The following SYNPO2 variants were observed in gnomAD, a reference collection of about 807,000 sequenced individuals.
The protein encoded by SYNPO2 is synaptopodin 2, also known as synaptopodin-2.
Under a neutral mutation model 85.0 loss-of-function variants are expected in SYNPO2, and 56 were observed. That is an observed-to-expected ratio of 0.66 (90% CI 0.53 to 0.82). The LOEUF is 0.82. Among genes scored for constraint, SYNPO2 ranks in the 40% least tolerant of loss-of-function variants. SYNPO2 has a pLI of 0.00. For missense variants in SYNPO2, 1,575 were observed against 1,534.2 expected, an observed-to-expected ratio of 1.03 and a Z score of -0.44; for synonymous variants, 602 against 591.1, an observed-to-expected ratio of 1.02 and a Z score of -0.27.
At chr4:118,867,917 T>A in intron 1 of SYNPO2, among the ~76,000 whole-genome samples, 1 of 152,080 alleles carries the variant, frequency 6.6e-6, no homozygotes. Flanking sequence ...CAATGATCAT[T>A]ATCTGATTGT....
At chr4:119,043,933 G>A (rs1447474042) in intron 4 of SYNPO2, 8 of 46,746 alleles carry the variant, frequency 1.7e-4, no homozygotes, top group Admixed American at 1.3e-3. Flanking sequence ...GACAGACTCC[G>A]TCTCAAAAAA....
chr4:119,028,319 A>G (rs1738067204), intron 3 of SYNPO2, among the ~76,000 whole-genome samples: 1 of 151,794 alleles, frequency 6.6e-6, no homozygotes, highest in Non-Finnish European at 1.5e-5. Flanking sequence ...CACAATGGCA[A>G]TGAATTCGGT....
At chr4:119,038,379 A>AAC in intron 4 of SYNPO2, 1 of 985,044 alleles carries the variant, frequency 1.0e-6, no homozygotes, top group Non-Finnish European at 1.2e-6. Flanking sequence ...TAAAAAAAAA[A>AAC]AATGAAATTT....
Sources: allele counts gnomAD v4.1 joint callset (sites outside exome capture counted in the v4.1 genomes callset), GRCh38; gene constraint gnomAD v4.1.1; transcripts MANE v1.5; gene names NCBI Gene and HGNC (gene_info 2026-07-23, HGNC 2026-07-21).